PTAR1: variants seen among roughly 807,000 people sequenced by gnomAD.
PTAR1 encodes the protein protein prenyltransferase alpha subunit repeat-containing protein 1.
Under a neutral mutation model 45.5 loss-of-function variants are expected in PTAR1, and 17 were observed. That is an observed-to-expected ratio of 0.37 (90% CI 0.26 to 0.56). PTAR1 has a LOEUF of 0.56. Among genes scored for constraint, PTAR1 ranks in the 20% least tolerant of loss-of-function variants. The probability of loss-of-function intolerance (pLI) is 0.77; values close to 1 mark genes in which losing one functional copy is unlikely to be tolerated. For synonymous variants in PTAR1, 169 were observed against 171.3 expected, an observed-to-expected ratio of 0.99 and a Z score of 0.11; for missense variants, 391 against 476.3, an observed-to-expected ratio of 0.82 and a Z score of 1.67.
intron 2 of PTAR1, among the ~76,000 whole-genome samples, chr9:69,743,509 G>T (rs369157522): frequency 3.9e-5 from 6 of 152,154 alleles, no homozygotes; most frequent in African/African-American, 1.4e-4. Flanking sequence ...TTACTAGTGA[G>T]CATATTGGAA....
chr9:69,746,592 T>C (rs1275272771), intron 2 of PTAR1, among the ~76,000 whole-genome samples: 1 of 152,196 alleles, frequency 6.6e-6, no homozygotes, highest in Non-Finnish European at 1.5e-5. Context: ...CCACAGTCTC[T>C]TGAAATTAAA....
rs145634304 is a variant in PTAR1 at position 69,717,493 on chromosome 9, TTAAA to T, written c.*845_*848del. 1.9e-4 allele frequency: 29 copies of T among 152,346 alleles called. 1 individual carries two copies. The East Asian group carries it at 4.8e-3, about 25-fold the overall frequency. 9.4% of individuals were successfully genotyped at this position (152,346 alleles called of 1,614,324 possible). On this transcript the variant is annotated 3_prime_UTR_variant, in exon 8 of 8. Coordinates refer to ENST00000340434, the MANE Select transcript of PTAR1 (RefSeq NM_001099666.2). Reference sequence around the variant, plus strand: ...CATAAACTCTTAAGTTAGTTTTTTCTTAAATAACCATTTAAAAAATGGATTACAT... The same window carrying T: ...CATAAACTCTTAAGTTAGTTTTTTCTTAACCATTTAAAAAATGGATTACAT...
chr9:69,726,503 C>T (rs999329747), intron 5 of PTAR1, among the ~76,000 whole-genome samples: 1 of 151,920 alleles, frequency 6.6e-6, no homozygotes, highest in Non-Finnish European at 1.5e-5. Context: ...AATATACTTG[C>T]TGGAACAAAG....
chr9:69,735,973 T>G (rs1458845756), intron 3 of PTAR1, among the ~76,000 whole-genome samples: 2 of 150,556 alleles, frequency 1.3e-5, no homozygotes, highest in East Asian at 1.9e-4. Context: ...TATATATTTT[T>G]TTCTTGCAAC....
chr9:69,744,196 C>A (rs185610073), intron 2 of PTAR1, among the ~76,000 whole-genome samples: 1 of 152,252 alleles, frequency 6.6e-6, no homozygotes, highest in Admixed American at 6.5e-5. Context: ...TTACATTCCA[C>A]CTGAGTCAAA....
At chr9:69,739,742 T>C (rs185375302) in intron 3 of PTAR1, among the ~76,000 whole-genome samples, 1 of 152,338 alleles carries the variant, frequency 6.6e-6, no homozygotes, top group East Asian at 1.9e-4. Context: ...GTACCTATGA[T>C]TTGATGTCTT....
At chr9:69,731,866 T>TA (rs776159529) in intron 5 of PTAR1, 15 of 450,676 alleles carry the variant, frequency 3.3e-5, no homozygotes, top group African/African-American at 3.0e-4. Context: ...TGTTTCAGGA[T>TA]AAAGTGAGTT....
intron 6 of PTAR1, 69 bp downstream of exon 6, chr9:69,723,257 C>G (rs1260258086): frequency 2.2e-6 from 3 of 1,339,650 alleles, no homozygotes; most frequent in Non-Finnish European, 2.1e-6. Flanking sequence ...TCAGGTGTAA[C>G]TAACACTTTC....
At chr9:69,728,147 A>G (rs1310478869) in intron 5 of PTAR1, among the ~76,000 whole-genome samples, 1 of 151,930 alleles carries the variant, frequency 6.6e-6, no homozygotes, top group African/African-American at 2.4e-5. Flanking sequence ...TTTATGGCCA[A>G]TGTTCTATTG....
chr9:69,720,003 C>T lies in PTAR1; in HGVS notation c.948-1319G>A, dbSNP rs144010435. On this transcript the variant is annotated intron_variant, in intron 6 of 7. Coordinates refer to ENST00000340434, the MANE Select transcript of PTAR1 (RefSeq NM_001099666.2). ...CTCCCTCACCCCAGGCCTCCCTGTT[C>T]CCTGAGATACAACAATATTGAAATT... 9.0e-4 allele frequency among the ~76,000 whole-genome samples: 137 copies of T among 152,274 alleles called. 1 individual carries two copies. The highest frequency in any genetic ancestry group is 3.4e-3 in the Middle Eastern group (1 of 294).
intron 2 of PTAR1, among the ~76,000 whole-genome samples, chr9:69,745,189 T>G (rs948263932): frequency 6.6e-6 from 1 of 152,202 alleles, no homozygotes; most frequent in African/African-American, 2.4e-5. Flanking sequence ...TCTGGAATAA[T>G]GAGGAGGTTG....
In PTAR1 at chr9:69,746,506, T is replaced by C. The variant is rs150026466; in HGVS notation, c.256+4275A>G. 7.3e-4 allele frequency among the ~76,000 whole-genome samples: 111 copies of C among 152,330 alleles called. 3 individuals are homozygous for C. In the East Asian group the frequency reaches 0.017, roughly 23 times the overall value. On this transcript the variant is annotated intron_variant, in intron 2 of 7. Coordinates refer to ENST00000340434, the MANE Select transcript of PTAR1 (RefSeq NM_001099666.2). Reference sequence around the variant, plus strand: ...ATGTATAATCAACGGTTGTAACTATTTGACTCTCTCAATTTCATCAACAAT... The same window carrying C: ...ATGTATAATCAACGGTTGTAACTATCTGACTCTCTCAATTTCATCAACAAT...
rs1439748407 is a variant in PTAR1 at position 69,710,910 on chromosome 9, T to C, written c.*7432A>G. ...GCAGCTTACTTATATCTTCAAGCAA[T>C]GTAAAATTAACAGGCATGGTTAATT... is the stretch of plus-strand genomic sequence containing the variant. On this transcript the variant is annotated 3_prime_UTR_variant, in exon 8 of 8. Coordinates refer to ENST00000340434, the MANE Select transcript of PTAR1 (RefSeq NM_001099666.2). 2 of 152,126 alleles carry C rather than the reference T, an allele frequency of 1.3e-5. No homozygotes were observed. Among genetic ancestry groups the C allele is most frequent in the African/African-American group, 4.8e-5 (2 of 41,438 alleles). The allele number at this position is 152,126 out of a possible 1,614,324, so 9.4% of individuals were successfully genotyped here.
chr9:69,750,810 C>G lies in PTAR1; in HGVS notation c.227G>C (p.Arg76Thr). The G allele has an allele frequency of 6.2e-7, 1 of 1,609,880 alleles. No homozygotes were observed. Residue 76 changes from arginine (R) to threonine (T), a missense_variant, in exon 2 of 8, where the codon AGA (arginine) becomes ACA (threonine). Coordinates refer to ENST00000340434, the MANE Select transcript of PTAR1 (RefSeq NM_001099666.2). ...TCTGTTCAGCCATTGCTTTCTTGTT[C>G]TGTACAAAAGGAGCTTGTTGTGGAC... The part of the protein sequence containing the change: ...PYVHNKLLLY[R>T]TRKQWLNRDE...
chr9:69,713,327 A>G lies in PTAR1; in HGVS notation c.*5015T>C, dbSNP rs921351013. 9.2e-5 allele frequency: 14 copies of G among 152,128 alleles called. No individual in the cohort carries two copies. Among genetic ancestry groups the G allele is most frequent in the Admixed American group, 9.2e-4 (14 of 15,244 alleles). The allele number at this position is 152,128 out of a possible 1,614,324, so 9.4% of individuals were successfully genotyped here. On this transcript the variant is annotated 3_prime_UTR_variant, in exon 8 of 8. Coordinates refer to ENST00000340434, the MANE Select transcript of PTAR1 (RefSeq NM_001099666.2). ...ACTGATTCATTGGTTTTCTGTCTTC[A>G]CCATGAACATGGCATATTGCTGCCC...
At chr9:69,731,950 G>T in intron 5 of PTAR1, 189 bp downstream of exon 5, 1 of 592,692 alleles carries the variant, frequency 1.7e-6, no homozygotes, top group Non-Finnish European at 3.0e-6. Context: ...GCCAAAAACA[G>T]CACTAGTGGG....
At chr9:69,739,174 A>G (rs1433286068) in intron 3 of PTAR1, among the ~76,000 whole-genome samples, 1 of 152,198 alleles carries the variant, frequency 6.6e-6, no homozygotes, top group Admixed American at 6.5e-5. Context: ...CAGGTTTCTT[A>G]GCTCAAAATG....
rs1824508788 is a variant in PTAR1 at position 69,711,135 on chromosome 9, C to T, written c.*7207G>A. ...AATATTTGGCATACTTATAATACCTCATCTTTTATTTTTTCCAACTCAAAA... is the reference window on the plus strand; with the variant it reads ...AATATTTGGCATACTTATAATACCTTATCTTTTATTTTTTCCAACTCAAAA... On this transcript the variant is annotated 3_prime_UTR_variant, in exon 8 of 8. Transcript: ENST00000340434. 1 of 151,938 alleles carries T rather than the reference C, an allele frequency of 6.6e-6. No homozygotes were observed. The highest frequency in any genetic ancestry group is 2.1e-4 in the South Asian group (1 of 4,826). The allele number at this position is 151,938 out of a possible 1,614,324, so 9.4% of individuals were successfully genotyped here.
intron 3 of PTAR1, among the ~76,000 whole-genome samples, chr9:69,735,455 C>T (rs148226708): frequency 4.3e-4 from 65 of 152,220 alleles, no homozygotes; most frequent in African/African-American, 1.5e-3. Context: ...TGAACATGTT[C>T]GCTACAGAAA....
Sources: gnomAD v4.1 joint callset for allele counts (sites outside exome capture counted in the v4.1 genomes callset) on GRCh38, gnomAD v4.1.1 for gene constraint, MANE v1.5 for transcripts, NCBI Gene and HGNC (gene_info 2026-07-23, HGNC 2026-07-21) for gene names.